NEGR1: variants seen among roughly 807,000 people sequenced by gnomAD.
NEGR1 encodes IgLON family member 4.
Under a neutral mutation model 40.9 loss-of-function variants are expected in NEGR1, and 10 were observed. The ratio of observed to expected loss-of-function variants is 0.24; its 90% CI spans 0.15 to 0.42. The LOEUF (loss-of-function observed/expected upper bound fraction) is 0.42, where lower values mean the gene tolerates loss of function less well. Ranked by LOEUF, NEGR1 falls within the 10% of genes least tolerant of loss-of-function variation. The probability of loss-of-function intolerance (pLI) is 1.00; values close to 1 mark genes in which losing one functional copy is unlikely to be tolerated. For synonymous variants in NEGR1, 185 were observed against 166.8 expected, an observed-to-expected ratio of 1.11 and a Z score of -0.84; for missense variants, 352 against 438.9, an observed-to-expected ratio of 0.80 and a Z score of 1.77.
chr1:71,878,328 G>A (rs1223159586), intron 2 of NEGR1, among the ~76,000 whole-genome samples: 1 of 151,986 alleles, frequency 6.6e-6, no homozygotes, highest in Non-Finnish European at 1.5e-5. Context: ...TTACACTTTG[G>A]CATTAATTAG....
At chr1:71,865,461 C>A (rs1349879968) in intron 2 of NEGR1, among the ~76,000 whole-genome samples, 1 of 152,112 alleles carries the variant, frequency 6.6e-6, no homozygotes, top group Non-Finnish European at 1.5e-5. Flanking sequence ...TGGAAATCAT[C>A]ATTCTCAGCA....
intron 6 of NEGR1, among the ~76,000 whole-genome samples, chr1:71,528,913 A>G (rs927520247): frequency 3.3e-5 from 5 of 151,278 alleles, no homozygotes; most frequent in African/African-American, 1.2e-4. Context: ...CCATTTTAAA[A>G]TAGTGACACT....
At chr1:71,663,157 C>T (rs1652125604) in intron 4 of NEGR1, among the ~76,000 whole-genome samples, 1 of 151,950 alleles carries the variant, frequency 6.6e-6, no homozygotes, top group African/African-American at 2.4e-5. Context: ...TGGGTTTTCA[C>T]CGTGTTAGCC....
At chr1:71,519,866 A>C (rs1355035801) in intron 6 of NEGR1, among the ~76,000 whole-genome samples, 3 of 152,048 alleles carry the variant, frequency 2.0e-5, no homozygotes, top group African/African-American at 4.8e-5. Context: ...AATACATTTT[A>C]AGAGAAAATA....
At chr1:71,911,458 A>G (rs1025260317) in intron 2 of NEGR1, among the ~76,000 whole-genome samples, 2 of 152,212 alleles carry the variant, frequency 1.3e-5, no homozygotes, top group African/African-American at 2.4e-5. Flanking sequence ...GGATTAATAT[A>G]CCTATTCTTC....
intron 4 of NEGR1, among the ~76,000 whole-genome samples, chr1:71,620,879 A>G (rs1004493779): frequency 7.2e-5 from 11 of 151,950 alleles, no homozygotes; most frequent in African/African-American, 2.7e-4. Context: ...TACTGTCTGA[A>G]GTACTTAACC....
intron 1 of NEGR1, among the ~76,000 whole-genome samples, chr1:72,089,994 G>A (rs1253736440): frequency 6.6e-6 from 1 of 152,042 alleles, no homozygotes; most frequent in African/African-American, 2.4e-5. Context: ...TTGGAAGTTA[G>A]GGATTTGCCA....
chr1:71,973,635 T>G (rs960042838), intron 1 of NEGR1, among the ~76,000 whole-genome samples: 3 of 152,218 alleles, frequency 2.0e-5, no homozygotes, highest in East Asian at 1.9e-4. Flanking sequence ...TTTAATAAAA[T>G]TATATCATCT....
chr1:72,070,784 A>G (rs924079825), intron 1 of NEGR1, among the ~76,000 whole-genome samples: 2 of 152,064 alleles, frequency 1.3e-5, no homozygotes, highest in African/African-American at 4.8e-5. Context: ...TCTACTAACT[A>G]TATTAAACAA....
intron 1 of NEGR1, among the ~76,000 whole-genome samples, chr1:72,072,469 A>T (rs1647509051): frequency 6.6e-6 from 1 of 152,194 alleles, no homozygotes; most frequent in Admixed American, 6.6e-5. Flanking sequence ...TTACAAATAA[A>T]GTTTATTTGC....
chr1:71,610,222 G>A (rs1029143918), intron 5 of NEGR1, among the ~76,000 whole-genome samples: 1 of 152,106 alleles, frequency 6.6e-6, no homozygotes, highest in Non-Finnish European at 1.5e-5. Context: ...TTTTGACTTC[G>A]AAAGTGGGAA....
At chr1:71,418,734 C>T (rs949091209) in intron 6 of NEGR1, among the ~76,000 whole-genome samples, 1 of 152,062 alleles carries the variant, frequency 6.6e-6, no homozygotes, top group Non-Finnish European at 1.5e-5. Context: ...TTGTAACTCA[C>T]ATTCTCTCAA....
At chr1:71,565,638 C>A (rs970692832) in intron 6 of NEGR1, among the ~76,000 whole-genome samples, 2 of 151,934 alleles carry the variant, frequency 1.3e-5, no homozygotes, top group Admixed American at 6.6e-5. Context: ...AGGTACAGTG[C>A]AGAGACAGAA....
intron 3 of NEGR1, among the ~76,000 whole-genome samples, chr1:71,768,324 C>T (rs1453882531): frequency 1.3e-5 from 2 of 152,142 alleles, no homozygotes; most frequent in Non-Finnish European, 2.9e-5. Flanking sequence ...GAACTCAGCC[C>T]TTGCTTCAGT....
chr1:71,908,877 T>C (rs889897855), intron 2 of NEGR1, among the ~76,000 whole-genome samples: 9 of 152,234 alleles, frequency 5.9e-5, no homozygotes, highest in Admixed American at 4.6e-4. Context: ...AAATAATTTT[T>C]AAACTATATT....
intron 4 of NEGR1, among the ~76,000 whole-genome samples, chr1:71,646,255 T>A (rs1382891072): frequency 6.6e-6 from 1 of 151,838 alleles, no homozygotes; most frequent in African/African-American, 2.4e-5. Context: ...TGTCTATGAA[T>A]AATGCACATT....
In NEGR1 at chr1:72,216,409, A is replaced by G. The variant is rs922472642; in HGVS notation, c.176+65910T>C. 1.0e-4 allele frequency among the ~76,000 whole-genome samples: 15 copies of G among 146,864 alleles called. No individual in the cohort carries two copies. The Middle Eastern group carries it at 0.011, about 105-fold the overall frequency. ...CATATATATATATATATACATATAT[A>G]TATATATGTATATCTATATACACAC... On this transcript the variant is annotated intron_variant, in intron 1 of 6. Transcript: ENST00000357731.
chr1:72,258,669 T>G (rs943545076), intron 1 of NEGR1, among the ~76,000 whole-genome samples: 1 of 152,156 alleles, frequency 6.6e-6, no homozygotes, highest in African/African-American at 2.4e-5. Context: ...ATGTAAGCCC[T>G]CAACTGTTTT....
chr1:71,761,707 C>T (rs916091195), intron 3 of NEGR1, among the ~76,000 whole-genome samples: 9 of 151,918 alleles, frequency 5.9e-5, no homozygotes, highest in African/African-American at 2.2e-4. Flanking sequence ...TCTAACTTAA[C>T]CAAAATATCC....
Sources: gnomAD v4.1 joint callset for allele counts (sites outside exome capture counted in the v4.1 genomes callset) on GRCh38, gnomAD v4.1.1 for gene constraint, MANE v1.5 for transcripts, NCBI Gene and HGNC (gene_info 2026-07-23, HGNC 2026-07-21) for gene names.